Variants in SORCS3 observed in about 807,000 individuals in gnomAD.
The protein encoded by SORCS3 is sortilin related VPS10 domain containing receptor 3, also known as VPS10 domain-containing receptor SorCS3.
In SORCS3, 57 loss-of-function variants were observed where a neutral mutation model predicts 146.3. That is an observed-to-expected ratio of 0.39 (90% CI 0.31 to 0.49). The LOEUF is 0.49. Ranked by LOEUF, SORCS3 falls within the 20% of genes least tolerant of loss-of-function variation. The pLI is 0.92. For synonymous variants in SORCS3, 653 were observed against 618.5 expected (o/e 1.06, Z -0.83); for missense variants, 1,341 against 1,575.5 (o/e 0.85, Z 2.52).
chr10:104,843,302 C>T (rs2133547573), intron 2 of SORCS3, among the ~76,000 whole-genome samples: 1 of 152,240 alleles, frequency 6.6e-6, no homozygotes, highest in Non-Finnish European at 1.5e-5. Flanking sequence ...GGGACAGATA[C>T]ACATGGGAAG....
intron 14 of SORCS3, among the ~76,000 whole-genome samples, chr10:105,182,299 A>C (rs2056448101): frequency 1.5e-5 from 2 of 134,208 alleles, no homozygotes; most frequent in South Asian, 5.1e-4. Context: ...GATTTTATGG[A>C]AATCTCCCAA....
At chr10:104,717,300 T>TAA (rs200835513) in intron 1 of SORCS3, among the ~76,000 whole-genome samples, 55 of 104,378 alleles carry the variant, frequency 5.3e-4, no homozygotes, top group Admixed American at 1.7e-3. Flanking sequence ...AAAAAAAATG[T>TAA]AAAAAAAAAA....
chr10:104,959,225 T>C (rs1002749094), intron 3 of SORCS3, among the ~76,000 whole-genome samples: 2 of 152,138 alleles, frequency 1.3e-5, no homozygotes, highest in African/African-American at 4.8e-5. Context: ...GGGGATACTA[T>C]GGAACTGAAT....
At chr10:105,143,800 A>G (rs924918737) in intron 8 of SORCS3, among the ~76,000 whole-genome samples, 10 of 151,890 alleles carry the variant, frequency 6.6e-5, no homozygotes, top group Non-Finnish European at 1.3e-4. Context: ...TATTTGTCCT[A>G]CTCCCTTCTC....
At chr10:104,693,889 G>A (rs1220767718) in intron 1 of SORCS3, among the ~76,000 whole-genome samples, 4 of 152,000 alleles carry the variant, frequency 2.6e-5, no homozygotes, top group Non-Finnish European at 5.9e-5. Context: ...ATCCTATATA[G>A]CTTCTATTTT....
intron 2 of SORCS3, among the ~76,000 whole-genome samples, chr10:104,854,913 A>G (rs140276479): frequency 6.6e-6 from 1 of 152,294 alleles, no homozygotes; most frequent in African/African-American, 2.4e-5. Flanking sequence ...ATTGACAAGT[A>G]GTAGTCTAGG....
intron 7 of SORCS3, among the ~76,000 whole-genome samples, chr10:105,115,877 T>C (rs1178828820): frequency 1.3e-5 from 2 of 152,196 alleles, no homozygotes; most frequent in African/African-American, 2.4e-5. Context: ...GTTAAATAAA[T>C]AGCAATTACA....
intron 5 of SORCS3, among the ~76,000 whole-genome samples, chr10:105,059,822 G>C (rs909707613): frequency 1.3e-5 from 2 of 152,184 alleles, no homozygotes; most frequent in African/African-American, 4.8e-5. Context: ...AGCAACCTGA[G>C]CCTTCCCCTC....
intron 2 of SORCS3, among the ~76,000 whole-genome samples, chr10:104,858,797 G>T (rs1479922416): frequency 6.6e-6 from 1 of 151,442 alleles, no homozygotes; most frequent in East Asian, 1.9e-4. Context: ...AATTTTTTGT[G>T]TTTTTAGTAG....
chr10:105,139,465 G>A lies in SORCS3; in HGVS notation c.1281G>A (p.Leu427=). 1 of 1,613,484 alleles carries A rather than the reference G, an allele frequency of 6.2e-7. No individual in the cohort carries two copies. Among genetic ancestry groups the A allele is most frequent in the South Asian group, 1.1e-5 (1 of 91,038 alleles). ...GAGAGGCCTTTGCTCAGATAAAGCTGCCTAAGTACTCGTTGCCAAAGGTAC... is the reference window on the plus strand; with the variant it reads ...GAGAGGCCTTTGCTCAGATAAAGCTACCTAAGTACTCGTTGCCAAAGGTAC... The part of the protein sequence containing the change: ...YRREAFAQIK[L]PKYSLPKDMH... The change falls in exon 8 of 27, where the codon CTG becomes CTA. Residue 427 remains leucine (L), a synonymous_variant. Coordinates refer to ENST00000369701, the MANE Select transcript of SORCS3 (RefSeq NM_014978.3).
At chr10:104,878,214 A>T in intron 2 of SORCS3, among the ~76,000 whole-genome samples, 1 of 152,132 alleles carries the variant, frequency 6.6e-6, no homozygotes, top group East Asian at 1.9e-4. Context: ...TTTTCTTGGG[A>T]TACAGATGTG....
intron 1 of SORCS3, among the ~76,000 whole-genome samples, chr10:104,761,201 T>G (rs1236147334): frequency 6.6e-6 from 1 of 152,186 alleles, no homozygotes; most frequent in Non-Finnish European, 1.5e-5. Flanking sequence ...TTTTTTCTCC[T>G]TCCTAAGAGC....
intron 1 of SORCS3, among the ~76,000 whole-genome samples, chr10:104,696,011 AATAT>A (rs1490739341): frequency 1.3e-5 from 1 of 78,308 alleles, no homozygotes; most frequent in Non-Finnish European, 2.5e-5. Flanking sequence ...TAATATATAT[AATAT>A]ATATCATATA....
At chr10:104,837,807 G>T (rs935383636) in intron 1 of SORCS3, among the ~76,000 whole-genome samples, 3 of 152,156 alleles carry the variant, frequency 2.0e-5, no homozygotes, top group Admixed American at 2.0e-4. Context: ...TGAGGGCAAG[G>T]GTACGTTTTT....
intron 7 of SORCS3, among the ~76,000 whole-genome samples, chr10:105,117,544 C>A (rs1454692958): frequency 1.3e-5 from 2 of 152,120 alleles, no homozygotes; most frequent in Admixed American, 1.3e-4. Flanking sequence ...CTTACTCATC[C>A]CTATGTTAGA....
chr10:104,680,555 G>A (rs1407085862), intron 1 of SORCS3, among the ~76,000 whole-genome samples: 1 of 152,190 alleles, frequency 6.6e-6, no homozygotes. Flanking sequence ...CATAACCGTG[G>A]GTGAGTCATT....
At chr10:104,692,461 A>G (rs778400851) in intron 1 of SORCS3, among the ~76,000 whole-genome samples, 3 of 152,292 alleles carry the variant, frequency 2.0e-5, no homozygotes, top group African/African-American at 4.8e-5. Context: ...ATTACTTTCA[A>G]TGGCAAAAAC....
intron 2 of SORCS3, among the ~76,000 whole-genome samples, chr10:104,872,578 T>C (rs962938424): frequency 2.0e-5 from 3 of 151,390 alleles, no homozygotes; most frequent in Non-Finnish European, 4.4e-5. Flanking sequence ...TTTTTTTTTT[T>C]TTTGCAAACA....
At chr10:105,027,122 A>G (rs563947964) in intron 4 of SORCS3, among the ~76,000 whole-genome samples, 1 of 152,106 alleles carries the variant, frequency 6.6e-6, no homozygotes, top group African/African-American at 2.4e-5. Flanking sequence ...ACTGGCCCAT[A>G]CTGTTCCTCA....
Sources: gnomAD v4.1 joint callset for allele counts (sites outside exome capture counted in the v4.1 genomes callset) on GRCh38, gnomAD v4.1.1 for gene constraint, MANE v1.5 for transcripts, NCBI Gene and HGNC (gene_info 2026-07-23, HGNC 2026-07-21) for gene names.